RRP12: variants seen among roughly 807,000 people sequenced by gnomAD.
RRP12 encodes RRP12-like protein.
Under a neutral mutation model 157.3 loss-of-function variants are expected in RRP12, and 78 were observed. The ratio of observed to expected loss-of-function variants is 0.50; its 90% CI spans 0.41 to 0.60. The LOEUF is 0.60. RRP12 is among the 20% of genes least tolerant of loss of function. The probability of loss-of-function intolerance (pLI) is 0.00; values close to 1 mark genes in which losing one functional copy is unlikely to be tolerated. For missense variants in RRP12, 1,521 were observed against 1,679.9 expected, an observed-to-expected ratio of 0.91 and a Z score of 1.65; for synonymous variants, 726 against 670.9, an observed-to-expected ratio of 1.08 and a Z score of -1.27.
intron 30 of RRP12, among the ~76,000 whole-genome samples, 177 bp downstream of exon 30, chr10:97,363,677 C>T (rs1843899421): frequency 6.6e-6 from 1 of 152,214 alleles, no homozygotes; most frequent in African/African-American, 2.4e-5. Context: ...ACAACCATCA[C>T]CCTGTCCTGC....
At chr10:97,371,814 G>A (rs1463613871) in intron 20 of RRP12, 3 of 402,206 alleles carry the variant, frequency 7.5e-6, no homozygotes, top group East Asian at 7.5e-5. Context: ...AGTGAGCCAG[G>A]CAAAGGAGCA....
intron 22 of RRP12, 32 bp downstream of exon 22, chr10:97,370,684 G>T: frequency 6.2e-7 from 1 of 1,610,826 alleles, no homozygotes; most frequent in Non-Finnish European, 8.5e-7. Context: ...ACATTCCAGG[G>T]ACCCCCCTCT....
chr10:97,398,034 T>TATAC lies in RRP12; in HGVS notation c.370-1734_370-1733insGTAT, dbSNP rs1372173408. Among the ~76,000 whole-genome samples the TATAC allele has an allele frequency of 1.4e-3, 117 of 86,434 alleles. 19 individuals are homozygous for TATAC. Among genetic ancestry groups the TATAC allele is most frequent in the Non-Finnish European group, 1.3e-3 (64 of 47,444 alleles). The allele number at this position is 86,434 out of a possible 152,430, so 56.7% of individuals were successfully genotyped here. On this transcript the variant is annotated intron_variant, in intron 2 of 33. Transcript: ENST00000370992. Reference sequence around the variant, plus strand: ...ATATATATATATATGTATATATATATACGTATTTTTTTTTTTTTTTTTTTT... The same window carrying TATAC: ...ATATATATATATATGTATATATATATATACACGTATTTTTTTTTTTTTTTTTTTT...
chr10:97,401,297 A>C lies in RRP12; in HGVS notation c.-66T>G. ...CTTCCAGGGACGTAGAAACACGCTC[A>C]GAACCCACGTGGATACCCTGTAGCC... On this transcript the variant is annotated 5_prime_UTR_variant, in exon 1 of 34. Transcript: ENST00000370992. 1 of 1,599,780 alleles carries C rather than the reference A, an allele frequency of 6.3e-7. No individual in the cohort carries two copies. The highest frequency in any genetic ancestry group is 8.6e-7 in the Non-Finnish European group (1 of 1,168,758).
Position 97,366,151 on chromosome 10 carries a change from C to T in RRP12, c.3474G>A (p.Glu1158=). 5.6e-6 allele frequency: 9 copies of T among 1,608,160 alleles called. No homozygotes were observed. The highest frequency in any genetic ancestry group is 7.6e-6 in the Non-Finnish European group (9 of 1,179,926). ...VSADGRLIIR[E]EADGNKMEEE... is the part of the protein sequence containing the mutation. ...CCTCCATCTTGTTGCCGTCTGCCTC[C>T]TCCCTTATGATCAGCCGGCCATCGG... The change falls in exon 29 of 34, where the codon GAG becomes GAA. Residue 1158 remains glutamate, a synonymous_variant. Transcript: ENST00000370992.
chr10:97,367,310 T>G (rs1288857006), intron 25 of RRP12, 178 bp from the exon 26 acceptor site: 7 of 612,178 alleles, frequency 1.1e-5, no homozygotes, highest in Non-Finnish European at 2.0e-5. Flanking sequence ...GCAGGCCCCA[T>G]CTTTCCCCTG....
Position 97,386,007 on chromosome 10 carries a change from C to T in RRP12, c.1018-14G>A, listed in dbSNP as rs1414072335. 1 of 1,557,016 alleles carries T rather than the reference C, an allele frequency of 6.4e-7. No individual in the cohort carries two copies. Among genetic ancestry groups the T allele is most frequent in the Admixed American group, 1.8e-5 (1 of 54,240 alleles). ...GGCTGTCACCAGCTGGAGGGGGACA[C>T]ACAGGCTTAGAAAGGAACTACAAAG... is the stretch of plus-strand genomic sequence containing the variant. On this transcript the variant is annotated splice_polypyrimidine_tract_variant and intron_variant, in intron 8 of 33. Coordinates refer to ENST00000370992, the MANE Select transcript of RRP12 (RefSeq NM_015179.4).
chr10:97,365,056 G>T (rs549179573), intron 29 of RRP12, among the ~76,000 whole-genome samples: 1 of 152,198 alleles, frequency 6.6e-6, no homozygotes, highest in African/African-American at 2.4e-5. Flanking sequence ...TTCCAACCCG[G>T]AAAAGTGGGT....
At chr10:97,372,944 A>C in intron 18 of RRP12, 102 bp downstream of exon 18, 1 of 1,457,482 alleles carries the variant, frequency 6.9e-7, no homozygotes, top group Admixed American at 2.0e-5. Context: ...GCTCCAAAAC[A>C]CAGAGACCCA....
chr10:97,401,280 G>A lies in RRP12; in HGVS notation c.-49C>T. ...TGAGCTTAAATGACCGGCTTCCAGG[G>A]ACGTAGAAACACGCTCAGAACCCAC... On this transcript the variant is annotated 5_prime_UTR_variant, in exon 1 of 34. Transcript: ENST00000370992. 1 of 1,610,502 alleles carries A rather than the reference G, an allele frequency of 6.2e-7. No homozygotes were observed. The highest frequency in any genetic ancestry group is 1.1e-5 in the South Asian group (1 of 90,986).
At chr10:97,372,405 T>G (rs1242469192) in intron 19 of RRP12, among the ~76,000 whole-genome samples, 6 of 152,216 alleles carry the variant, frequency 3.9e-5, no homozygotes, top group Non-Finnish European at 1.5e-5. Context: ...GCAACCTTGT[T>G]GCAAGAACTA....
At chr10:97,363,924 C>A (rs781190270) in intron 29 of RRP12, 21 bp from the exon 30 acceptor site, 2 of 1,612,108 alleles carry the variant, frequency 1.2e-6, no homozygotes, top group South Asian at 2.2e-5. Flanking sequence ...AAAAGAGAGG[C>A]CCATGAGCGC....
At chr10:97,365,351 G>A (rs1339092237) in intron 29 of RRP12, among the ~76,000 whole-genome samples, 1 of 147,448 alleles carries the variant, frequency 6.8e-6, no homozygotes, top group Non-Finnish European at 1.5e-5. Flanking sequence ...TTGGCTCACT[G>A]CAAGCTCTGC....
Position 97,372,774 on chromosome 10 carries a change from A to T in RRP12, c.2211T>A (p.Ser737Arg). 6.4e-7 allele frequency: 1 copy of T among 1,563,890 alleles called. No individual in the cohort carries two copies. The highest frequency in any genetic ancestry group is 8.7e-7 in the Non-Finnish European group (1 of 1,153,476). Residue 737 changes from serine to arginine, a missense_variant, in exon 19 of 34, where the codon AGT (serine) becomes AGA (arginine). By Grantham distance (110) the Ser-to-Arg change is moderately radical. Transcript: ENST00000370992. ...QLVNSLLEKA[S>R]EKVLDPASSD... ...AGCTGGCAGGGTCGAGCACCTTCTC[A>T]CTGGCTTTTTCCAGGAGACTGTTCA...
At chr10:97,379,876 G>T in intron 13 of RRP12, 106 bp from the exon 14 acceptor site, 1 of 1,130,032 alleles carries the variant, frequency 8.8e-7, no homozygotes, top group Non-Finnish European at 1.2e-6. Context: ...TGGGTTCAAC[G>T]CTACACCAGA....
In RRP12 at chr10:97,396,228, A is replaced by G; in HGVS notation, c.443T>C (p.Phe148Ser). The G allele has an allele frequency of 1.9e-6, 3 of 1,612,600 alleles. No individual in the cohort carries two copies. The highest frequency in any genetic ancestry group is 2.5e-6 in the Non-Finnish European group (3 of 1,178,738). Residue 148 changes from phenylalanine (F) to serine (S), a missense_variant, in exon 3 of 34, where the codon TTC (phenylalanine) becomes TCC (serine). Coordinates refer to ENST00000370992, the MANE Select transcript of RRP12 (RefSeq NM_015179.4). ...QGGKETETEY[F>S]AALMTTMEAV... ...GTGGCACCCACTCACCAGAGCAGCG[A>G]AGTACTCAGTCTCCGTCTCCTTCCC...
intron 20 of RRP12, chr10:97,371,333 C>A (rs1844148309): frequency 1.9e-6 from 1 of 538,686 alleles, no homozygotes; most frequent in African/African-American, 1.9e-5. Flanking sequence ...ACTCCAGTGG[C>A]CTGAGCTCAT....
intron 3 of RRP12, among the ~76,000 whole-genome samples, chr10:97,394,935 G>A (rs1564770361): frequency 6.6e-6 from 1 of 151,326 alleles, no homozygotes; most frequent in Non-Finnish European, 1.5e-5. Flanking sequence ...TTCAGCTCAG[G>A]AGCTCAAGAC....
chr10:97,389,243 G>A (rs1489893633), intron 6 of RRP12, among the ~76,000 whole-genome samples: 21 of 151,958 alleles, frequency 1.4e-4, no homozygotes, highest in African/African-American at 4.3e-4. Flanking sequence ...ACAGGCGCCC[G>A]CCACCACACC....
Sources: gnomAD v4.1 joint callset for allele counts (sites outside exome capture counted in the v4.1 genomes callset) on GRCh38, gnomAD v4.1.1 for gene constraint, MANE v1.5 for transcripts, NCBI Gene and HGNC (gene_info 2026-07-23, HGNC 2026-07-21) for gene names.